Variants in MTUS2 observed in about 807,000 individuals in gnomAD.
MTUS2 encodes the protein microtubule-associated tumor suppressor candidate 2.
Under a neutral mutation model 114.1 loss-of-function variants are expected in MTUS2, and 40 were observed. The ratio of observed to expected loss-of-function variants is 0.35; its 90% CI spans 0.27 to 0.46. The LOEUF (loss-of-function observed/expected upper bound fraction) is 0.46, where lower values mean the gene tolerates loss of function less well. Among genes scored for constraint, MTUS2 ranks in the 20% least tolerant of loss-of-function variants. The pLI is 1.00. For synonymous variants in MTUS2, 688 were observed against 672.0 expected, an observed-to-expected ratio of 1.02 and a Z score of -0.37; for missense variants, 1,679 against 1,705.4, an observed-to-expected ratio of 0.98 and a Z score of 0.27.
intron 10 of MTUS2, among the ~76,000 whole-genome samples, chr13:29,483,172 A>G (rs1348663171): frequency 1.3e-5 from 2 of 152,216 alleles, no homozygotes; most frequent in Non-Finnish European, 2.9e-5. Context: ...CTTAAAAATC[A>G]GGTTCACTGG....
At chr13:29,034,452 CTA>C (rs1261796747) in intron 4 of MTUS2, among the ~76,000 whole-genome samples, 1 of 152,094 alleles carries the variant, frequency 6.6e-6, no homozygotes, top group Non-Finnish European at 1.5e-5. Context: ...TATGTAGGTC[CTA>C]AGGGGTTAAT....
At chr13:28,854,268 G>T (rs1876484832) in intron 2 of MTUS2, among the ~76,000 whole-genome samples, 1 of 152,180 alleles carries the variant, frequency 6.6e-6, no homozygotes. Context: ...CTGCTTCTGT[G>T]CATCTGAAAC....
At chr13:29,334,461 T>C (rs760255773) in intron 7 of MTUS2, among the ~76,000 whole-genome samples, 4 of 152,204 alleles carry the variant, frequency 2.6e-5, no homozygotes, top group Admixed American at 6.5e-5. Context: ...CCCTTCACTT[T>C]TGAAGCTTAG....
At chr13:29,244,773 G>A (rs916208165) in intron 5 of MTUS2, among the ~76,000 whole-genome samples, 21 of 151,050 alleles carry the variant, frequency 1.4e-4, no homozygotes, top group African/African-American at 4.6e-4. Context: ...CGGCTAAAAC[G>A]GTGAAACCCC....
At position 29,026,191 on chromosome 13, in the gene MTUS2, A is replaced by G. The variant is rs771005644; in HGVS notation, c.1493A>G (p.Glu498Gly). ...CAAAGTGGCCGCTCAGAAGCACGGGAAAGCAAAGAGGTCACCACATCTGTT... is the reference window on the plus strand; with the variant it reads ...CAAAGTGGCCGCTCAGAAGCACGGGGAAGCAAAGAGGTCACCACATCTGTT... ...DPQSGRSEAR[E>G]SKEVTTSVAE... Residue 498 changes from glutamate to glycine, a missense_variant, in exon 3 of 16, where the codon GAA becomes GGA. Transcript: ENST00000612955. The G allele has an allele frequency of 9.9e-6, 16 of 1,613,852 alleles. No individual in the cohort carries two copies. In the African/African-American group the frequency reaches 2.1e-4, roughly 22 times the overall value.
chr13:28,947,885 T>C (rs1882615796), intron 2 of MTUS2, among the ~76,000 whole-genome samples: 1 of 152,218 alleles, frequency 6.6e-6, no homozygotes. Flanking sequence ...CATTAAAACT[T>C]TTTAATACAT....
chr13:29,445,219 C>T (rs1004748276), intron 9 of MTUS2, among the ~76,000 whole-genome samples: 1 of 152,202 alleles, frequency 6.6e-6, no homozygotes, highest in East Asian at 1.9e-4. Flanking sequence ...CTAGTGAGTG[C>T]TGTTTTCTGA....
chr13:28,997,087 A>G (rs1027466126), intron 2 of MTUS2, among the ~76,000 whole-genome samples: 7 of 152,162 alleles, frequency 4.6e-5, no homozygotes, highest in Non-Finnish European at 1.0e-4. Flanking sequence ...AGGTTCTGGT[A>G]TGTTGTGTCT....
chr13:29,255,098 C>T lies in MTUS2; in HGVS notation c.2645-26606C>T, dbSNP rs140850824. Among the ~76,000 whole-genome samples, 5 of 152,236 alleles carry T rather than the reference C, an allele frequency of 3.3e-5. 1 individual carries two copies. In the Middle Eastern group the frequency reaches 0.01, roughly 311 times the overall value. On this transcript the variant is annotated intron_variant, in intron 5 of 15. Transcript: ENST00000612955. ...TTTTCCCAGCGGTGCACACATGCAT[C>T]GGCAGTAAGTATCTCCCCGGTGAAC... is the stretch of plus-strand genomic sequence containing the variant.
At chr13:29,461,929 G>A (rs1408022907) in intron 9 of MTUS2, among the ~76,000 whole-genome samples, 1 of 152,160 alleles carries the variant, frequency 6.6e-6, no homozygotes, top group Non-Finnish European at 1.5e-5. Context: ...CTGAGCCTGG[G>A]GGAGGGATTC....
chr13:29,413,034 C>A (rs1196103543), intron 8 of MTUS2, among the ~76,000 whole-genome samples: 1 of 152,124 alleles, frequency 6.6e-6, no homozygotes, highest in African/African-American at 2.4e-5. Context: ...CTTCCCTCTT[C>A]CATATTTAAG....
chr13:29,411,866 G>C lies in MTUS2; in HGVS notation c.3118-28117G>C, dbSNP rs118087417. Among the ~76,000 whole-genome samples the C allele has an allele frequency of 4.6e-3, 701 of 152,198 alleles. 3 individuals carry two copies. The highest frequency in any genetic ancestry group is 6.6e-3 in the Non-Finnish European group (451 of 67,994). On this transcript the variant is annotated intron_variant, in intron 8 of 15. Transcript: ENST00000612955. The stretch of plus-strand genomic sequence containing the variant: ...TCTAAATTGGACTTTCTCTTCCATT[G>C]CGTTCTCTAAATAATTCATGTTTGT...
chr13:28,870,720 C>T lies in MTUS2; in HGVS notation c.-243+30870C>T, dbSNP rs191499576. On this transcript the variant is annotated intron_variant, in intron 2 of 15. Transcript: ENST00000612955. ...GGCTGGCAGTGGAAGAACTGCAGAG[C>T]TATAATTTGTTTAAGTATGGGAGAC... 4.2e-3 allele frequency among the ~76,000 whole-genome samples: 646 copies of T among 152,222 alleles called. 1 individual carries two copies. The highest frequency in any genetic ancestry group is 7.4e-3 in the Non-Finnish European group (506 of 68,020).
At chr13:28,841,903 C>T (rs927658539) in intron 2 of MTUS2, among the ~76,000 whole-genome samples, 3 of 152,100 alleles carry the variant, frequency 2.0e-5, no homozygotes, top group South Asian at 2.1e-4. Context: ...GCCAGGATGG[C>T]CTCGATCTCT....
chr13:29,351,103 G>A (rs1566147555), intron 7 of MTUS2, among the ~76,000 whole-genome samples: 1 of 151,900 alleles, frequency 6.6e-6, no homozygotes, highest in Non-Finnish European at 1.5e-5. Flanking sequence ...AGTCCTAAAG[G>A]ATGGCAACCT....
At chr13:29,487,622 G>A (rs964353322) in intron 10 of MTUS2, 3 of 452,146 alleles carry the variant, frequency 6.6e-6, no homozygotes, top group Non-Finnish European at 1.2e-5. Flanking sequence ...GTGGGAAGGG[G>A]ATGGTCCAGG....
chr13:29,154,608 G>A (rs1892784566), intron 5 of MTUS2, among the ~76,000 whole-genome samples: 1 of 152,138 alleles, frequency 6.6e-6, no homozygotes, highest in South Asian at 2.1e-4. Context: ...CCAAAGTGTT[G>A]GGACATTACT....
chr13:29,067,578 T>G (rs1357195984), intron 4 of MTUS2, among the ~76,000 whole-genome samples: 2 of 151,936 alleles, frequency 1.3e-5, no homozygotes, highest in Non-Finnish European at 2.9e-5. Flanking sequence ...GAATGGAAAG[T>G]GGGGAAGTAG....
chr13:29,406,775 T>C (rs1176956819), intron 8 of MTUS2, among the ~76,000 whole-genome samples: 3 of 151,886 alleles, frequency 2.0e-5, no homozygotes, highest in Non-Finnish European at 4.4e-5. Context: ...TAAAAAAGTA[T>C]AGGTGTTTGC....
Sources: gnomAD v4.1 joint callset for allele counts (sites outside exome capture counted in the v4.1 genomes callset) on GRCh38, gnomAD v4.1.1 for gene constraint, MANE v1.5 for transcripts, NCBI Gene and HGNC (gene_info 2026-07-23, HGNC 2026-07-21) for gene names.